The following VCP variants were observed in gnomAD, a reference collection of about 807,000 sequenced individuals.
VCP encodes the protein transitional endoplasmic reticulum ATPase.
Under a neutral mutation model 85.7 loss-of-function variants are expected in VCP, and 6 were observed. The observed-to-expected ratio is 0.07, with a 90% CI of 0.04 to 0.14. The LOEUF is 0.14. VCP is among the 10% of genes least tolerant of loss of function. The pLI is 1.00. For missense variants in VCP, 353 were observed against 1,043.4 expected (o/e 0.34, Z 9.12); for synonymous variants, 384 against 367.1 (o/e 1.05, Z -0.53).
intron 8 of VCP, 30 bp downstream of exon 8, chr9:35,062,187 C>A: frequency 6.2e-7 from 1 of 1,614,066 alleles, no homozygotes; most frequent in East Asian, 2.2e-5. Context: ...GCCTTTCAAC[C>A]CCCCTCTATC....
intron 1 of VCP, 132 bp downstream of exon 1, chr9:35,072,205 C>A: frequency 6.9e-7 from 1 of 1,444,952 alleles, no homozygotes; most frequent in Non-Finnish European, 9.2e-7. Flanking sequence ...TCACTCGCCC[C>A]CTAGCTTCCC....
Position 35,056,740 on chromosome 9 carries a change from A to C in VCP, c.*377T>G. ...CACCTACCCAGGTTGGATAGGGGGA[A>C]GGGAGGGCTCGGGCAGCATTGAGTC... On this transcript the variant is annotated 3_prime_UTR_variant, in exon 17 of 17. Coordinates refer to ENST00000358901, the MANE Select transcript of VCP (RefSeq NM_007126.5). 1 of 307,278 alleles carries C rather than the reference A, an allele frequency of 3.3e-6. No individual in the cohort carries two copies. Among genetic ancestry groups the C allele is most frequent in the Non-Finnish European group, 6.4e-6 (1 of 156,108 alleles). The allele number at this position is 307,278 out of a possible 1,614,324, so 19.0% of individuals were successfully genotyped here. A position where few individuals can be genotyped will look rare whatever the true frequency, so the allele number is the denominator to read the frequency against.
Position 35,056,353 on chromosome 9 carries a change from G to A in VCP, c.*764C>T, listed in dbSNP as rs1828604796. On this transcript the variant is annotated 3_prime_UTR_variant, in exon 17 of 17. Coordinates refer to ENST00000358901, the MANE Select transcript of VCP (RefSeq NM_007126.5). ...CCATATTCTCCACATTTGGAGCTCT[G>A]TCAGGCTGCTCCCTTTCCACCAGTC... 1 of 152,790 alleles carries A rather than the reference G, an allele frequency of 6.5e-6. No individual in the cohort carries two copies. Among genetic ancestry groups the A allele is most frequent in the African/African-American group, 2.4e-5 (1 of 41,420 alleles). The allele number at this position is 152,790 out of a possible 1,614,324, so 9.5% of individuals were successfully genotyped here.
intron 1 of VCP, chr9:35,071,744 A>G: frequency 2.0e-6 from 2 of 989,478 alleles, no homozygotes; most frequent in African/African-American, 1.7e-5. Context: ...GGTCACACAC[A>G]GAGGATGCCC....
At chr9:35,062,715 T>C (rs1345295169) in intron 7 of VCP, among the ~76,000 whole-genome samples, 2 of 152,124 alleles carry the variant, frequency 1.3e-5, no homozygotes, top group Non-Finnish European at 2.9e-5. Context: ...CACTAACCAT[T>C]CACCCTTTGA....
chr9:35,066,039 T>G (rs888442439), intron 4 of VCP, among the ~76,000 whole-genome samples: 3 of 151,902 alleles, frequency 2.0e-5, no homozygotes, highest in Middle Eastern at 3.4e-3. Flanking sequence ...GGCAGGAGAA[T>G]TGCTTGAACC....
At chr9:35,065,496 A>AT (rs1828811365) in intron 4 of VCP, 115 bp from the exon 5 acceptor site, 1 of 1,404,564 alleles carries the variant, frequency 7.1e-7, no homozygotes, top group African/African-American at 1.4e-5. Context: ...CCTTCATTAG[A>AT]TATTGCCCTA....
rs1395947416 is a variant in VCP, at chr9:35,059,239, T to C, written c.2005-20A>G. The C allele has an allele frequency of 2.5e-6, 4 of 1,613,910 alleles. No homozygotes were observed. The highest frequency in any genetic ancestry group is 3.4e-6 in the Non-Finnish European group (4 of 1,180,006). ...CACATCCTAAAAGCAGCAGCAGAGG[T>C]ACCTTAGCATTTAGCCTCTCCTCTC... On this transcript the variant is annotated intron_variant, in intron 14 of 16. Coordinates refer to ENST00000358901, the MANE Select transcript of VCP (RefSeq NM_007126.5). This position sits in a 1 kb window ranked among gnomAD's most constrained non-coding sequence, Gnocchi z 4.9.
Position 35,058,201 on chromosome 9 carries a change from C to T in VCP, c.2161-671G>A, listed in dbSNP as rs1282360786. Among the ~76,000 whole-genome samples, 5 of 152,268 alleles carry T rather than the reference C, an allele frequency of 3.3e-5. No individual in the cohort carries two copies. In the East Asian group the frequency reaches 7.7e-4, roughly 23 times the overall value. Reference sequence around the variant, plus strand: ...ATGTGACTACCTCCTAGGATTAGTTCATCAGTAGTTGTTAAGCTTTTATGG... The same window carrying T: ...ATGTGACTACCTCCTAGGATTAGTTTATCAGTAGTTGTTAAGCTTTTATGG... On this transcript the variant is annotated intron_variant, in intron 15 of 16. Transcript: ENST00000358901.
At chr9:35,067,769 AG>A in intron 3 of VCP, 121 bp downstream of exon 3, 2 of 1,301,808 alleles carry the variant, frequency 1.5e-6, no homozygotes, top group East Asian at 4.8e-5. Context: ...TCCCATGACC[AG>A]GAGGCTTCCT....
intron 3 of VCP, among the ~76,000 whole-genome samples, chr9:35,067,046 A>G (rs1265043655): frequency 6.6e-6 from 1 of 152,186 alleles, no homozygotes; most frequent in Non-Finnish European, 1.5e-5. Context: ...AAACCCCACA[A>G]AGACATGCAG....
Position 35,059,255 on chromosome 9 carries a change from C to G in VCP, c.2005-36G>C. 1 of 1,613,558 alleles carries G rather than the reference C, an allele frequency of 6.2e-7. No homozygotes were observed. The highest frequency in any genetic ancestry group is 1.1e-5 in the South Asian group (1 of 90,958). On this transcript the variant is annotated intron_variant, in intron 14 of 16. Coordinates refer to ENST00000358901, the MANE Select transcript of VCP (RefSeq NM_007126.5). The surrounding 1 kb of genome is among the most constrained non-coding windows in gnomAD (Gnocchi z 4.9). ...CAGCAGAGGTACCTTAGCATTTAGC[C>G]TCTCCTCTCGAGATACGCAGATCTT... is the stretch of plus-strand genomic sequence containing the variant.
rs554138975 is a variant in VCP at position 35,071,061 on chromosome 9, G to A, written c.17+1276C>T. 1.4e-4 allele frequency among the ~76,000 whole-genome samples: 22 copies of A among 152,330 alleles called. 1 individual carries two copies. The South Asian group carries it at 4.6e-3, about 32-fold the overall frequency. On this transcript the variant is annotated intron_variant, in intron 1 of 16. Transcript: ENST00000358901. ...AGTCATCAAGGTGACCAAGAGGTTAGAAACAGCTGATGATGCCAGGTTCCA... is the reference window on the plus strand; with the variant it reads ...AGTCATCAAGGTGACCAAGAGGTTAAAAACAGCTGATGATGCCAGGTTCCA...
Position 35,059,854 on chromosome 9 carries a change from C to G in VCP, c.1696-53G>C. On this transcript the variant is annotated intron_variant, in intron 13 of 16. Coordinates refer to ENST00000358901, the MANE Select transcript of VCP (RefSeq NM_007126.5). This position sits in a 1 kb window ranked among gnomAD's most constrained non-coding sequence, Gnocchi z 4.9. ...ACTAACAAAACTAGATGTCTCTAGG[C>G]AAACGTGGTGGCTCACACCTGTATT... 2.5e-6 allele frequency: 4 copies of G among 1,611,600 alleles called. No homozygotes were observed. Among genetic ancestry groups the G allele is most frequent in the Non-Finnish European group, 3.4e-6 (4 of 1,178,196 alleles).
chr9:35,066,639 C>T (rs759578203), intron 4 of VCP, 36 bp downstream of exon 4: 8 of 1,610,374 alleles, frequency 5.0e-6, no homozygotes, highest in Non-Finnish European at 6.8e-6. Flanking sequence ...TTATTCCCTA[C>T]AGTCAATAAT....
intron 7 of VCP, among the ~76,000 whole-genome samples, chr9:35,062,745 C>T (rs931443016): frequency 1.3e-5 from 2 of 152,150 alleles, no homozygotes; most frequent in Admixed American, 6.5e-5. Context: ...CTAGCTTGCT[C>T]CCGCTCTGCA....
chr9:35,068,907 C>A (rs1228453723), intron 1 of VCP, among the ~76,000 whole-genome samples: 3 of 152,080 alleles, frequency 2.0e-5, no homozygotes, highest in Non-Finnish European at 4.4e-5. Flanking sequence ...TAACATAATA[C>A]CTGGCACATG....
At chr9:35,058,012 A>G (rs1723061532) in intron 15 of VCP, among the ~76,000 whole-genome samples, 1 of 152,216 alleles carries the variant, frequency 6.6e-6, no homozygotes, top group Non-Finnish European at 1.5e-5. Context: ...TCTCACTTCC[A>G]GTGACATATA....
Position 35,060,367 on chromosome 9 carries a change from C to G in VCP, c.1641G>C (p.Leu547=). ...ANFISIKGPE[L]LTMWFGESEA... is the part of the protein sequence containing the mutation. ...CAGACTCCCCAAACCACATGGTGAG[C>G]AGCTCAGGACCCTTGATGGAGATGA... The change falls in exon 13 of 17, where the codon CTG becomes CTC. Residue 547 remains leucine (L), a synonymous_variant. Transcript: ENST00000358901. 2 of 1,614,224 alleles carry G rather than the reference C, an allele frequency of 1.2e-6. No homozygotes were observed. Among genetic ancestry groups the G allele is most frequent in the Non-Finnish European group, 1.7e-6 (2 of 1,180,046 alleles).
Sources: gnomAD v4.1 joint callset for allele counts (sites outside exome capture counted in the v4.1 genomes callset) on GRCh38, gnomAD v4.1.1 for gene constraint, Gnocchi (gnomAD v3.1) non-coding constraint, MANE v1.5 for transcripts, NCBI Gene and HGNC (gene_info 2026-07-23, HGNC 2026-07-21) for gene names.